PRKAG2: variants seen among roughly 807,000 people sequenced by gnomAD.
PRKAG2 encodes the protein protein kinase AMP-activated non-catalytic subunit gamma 2.
In PRKAG2, 26 loss-of-function variants were observed where a neutral mutation model predicts 69.6. The ratio of observed to expected loss-of-function variants is 0.37; its 90% CI spans 0.27 to 0.52. PRKAG2 has a LOEUF of 0.52. Among genes scored for constraint, PRKAG2 ranks in the 20% least tolerant of loss-of-function variants. The pLI is 0.90. For missense variants in PRKAG2, 557 were observed against 740.0 expected (o/e 0.75, Z 2.87); for synonymous variants, 293 against 285.0 (o/e 1.03, Z -0.28).
rs573092240 is a variant in PRKAG2 at position 151,747,683 on chromosome 7, G to A, written c.466+33469C>T. On this transcript the variant is annotated intron_variant, in intron 3 of 15. Transcript: ENST00000287878. ...CCAGATATCTAGAAAGTTAGCTCAC[G>A]TGGCTTGTTCATTCCTTGAGACTGG... Among the ~76,000 whole-genome samples, 137 of 152,286 alleles carry A rather than the reference G, an allele frequency of 9.0e-4. 1 individual carries two copies. Among genetic ancestry groups the A allele is most frequent in the African/African-American group, 1.9e-3 (81 of 41,552 alleles).
Position 151,807,421 on chromosome 7 carries a change from T to C in PRKAG2, c.115-20880A>G. The C allele has an allele frequency of 2.2e-6, 1 of 457,858 alleles. No homozygotes were observed. 28.4% of individuals were successfully genotyped at this position (457,858 alleles called of 1,614,324 possible). On this transcript the variant is annotated intron_variant, in intron 1 of 15. Transcript: ENST00000287878. This position sits in a 1 kb window ranked among gnomAD's most constrained non-coding sequence, Gnocchi z 4.4. ...GCTGTGCTGTGGGTGACGGTCATAC[T>C]TTATTCTCTAAAACTCTCCAGTTTC...
In PRKAG2 at chr7:151,807,858, A is replaced by G. The variant is rs933536791; in HGVS notation, c.115-21317T>C. On this transcript the variant is annotated intron_variant, in intron 1 of 15. Coordinates refer to ENST00000287878, the MANE Select transcript of PRKAG2 (RefSeq NM_016203.4). The surrounding 1 kb of genome is among the most constrained non-coding windows in gnomAD (Gnocchi z 4.4). ...GATAAATCTGGATGCGGTGGAGACA[A>G]CGGCCAAACAGAAAAACCGCTTGGA... Among the ~76,000 whole-genome samples the G allele has an allele frequency of 6.6e-6, 1 of 152,192 alleles. No homozygotes were observed. Among genetic ancestry groups the G allele is most frequent in the Non-Finnish European group, 1.5e-5 (1 of 68,024 alleles).
chr7:151,650,958 T>C (rs1430993955), intron 4 of PRKAG2, among the ~76,000 whole-genome samples: 1 of 152,184 alleles, frequency 6.6e-6, no homozygotes, highest in Admixed American at 6.5e-5. Flanking sequence ...CCCTGAAAAA[T>C]TGTAGTTATT....
At chr7:151,853,988 A>G (rs1249168912) in intron 1 of PRKAG2, among the ~76,000 whole-genome samples, 4 of 151,794 alleles carry the variant, frequency 2.6e-5, no homozygotes, top group Admixed American at 2.6e-4. Flanking sequence ...TCTACAGACA[A>G]GGATAACCTT....
At chr7:151,604,653 CACAT>C (rs1410986456) in intron 5 of PRKAG2, among the ~76,000 whole-genome samples, 2 of 151,444 alleles carry the variant, frequency 1.3e-5, no homozygotes, top group African/African-American at 2.5e-5. Flanking sequence ...CATACACACA[CACAT>C]ACACACACAC....
chr7:151,771,100 C>T lies in PRKAG2; in HGVS notation c.466+10052G>A, dbSNP rs1235619707. ...AAAAATAACCAGCCCTCCTCTGTTC[C>T]TTACTTCAGGCTCTAAGATCTGCCT... is the stretch of plus-strand genomic sequence containing the variant. On this transcript the variant is annotated intron_variant, in intron 3 of 15. Coordinates refer to ENST00000287878, the MANE Select transcript of PRKAG2 (RefSeq NM_016203.4). This position sits in a 1 kb window ranked among gnomAD's most constrained non-coding sequence, Gnocchi z 4.0. 6.6e-6 allele frequency among the ~76,000 whole-genome samples: 1 copy of T among 152,208 alleles called. No individual in the cohort carries two copies. The highest frequency in any genetic ancestry group is 1.9e-4 in the East Asian group (1 of 5,198).
chr7:151,715,414 C>T (rs992404867), intron 3 of PRKAG2, among the ~76,000 whole-genome samples: 2 of 149,886 alleles, frequency 1.3e-5, no homozygotes, highest in African/African-American at 4.9e-5. Flanking sequence ...GTGGCACAAT[C>T]TCAGCTCACT....
chr7:151,673,705 C>T (rs1387043676), intron 4 of PRKAG2, among the ~76,000 whole-genome samples: 5 of 152,114 alleles, frequency 3.3e-5, no homozygotes, highest in Admixed American at 1.3e-4. Flanking sequence ...CAGATTGGAC[C>T]GTATCTCCTA....
intron 1 of PRKAG2, among the ~76,000 whole-genome samples, chr7:151,821,990 G>A (rs906207996): frequency 2.2e-4 from 34 of 152,182 alleles, no homozygotes; most frequent in Admixed American, 2.0e-3. Context: ...GAGAGCTGCT[G>A]GGAGCCAAGG....
intron 3 of PRKAG2, among the ~76,000 whole-genome samples, chr7:151,758,187 C>A (rs1456626698): frequency 3.3e-5 from 5 of 151,996 alleles, no homozygotes; most frequent in African/African-American, 9.7e-5. Context: ...CAATGTCCAG[C>A]AGGGCTGATC....
intron 3 of PRKAG2, among the ~76,000 whole-genome samples, chr7:151,716,405 G>C (rs1473046259): frequency 1.3e-5 from 2 of 152,142 alleles, no homozygotes; most frequent in African/African-American, 4.8e-5. Flanking sequence ...AGAGAAGCAG[G>C]GGCTGGGCAG....
intron 5 of PRKAG2, among the ~76,000 whole-genome samples, chr7:151,631,029 A>C (rs980602489): frequency 3.9e-5 from 6 of 152,248 alleles, no homozygotes; most frequent in Non-Finnish European, 8.8e-5. Context: ...TTGGGTTAAC[A>C]CGTCCATGCT....
At chr7:151,847,943 T>C (rs1436358522) in intron 1 of PRKAG2, among the ~76,000 whole-genome samples, 1 of 152,212 alleles carries the variant, frequency 6.6e-6, no homozygotes, top group African/African-American at 2.4e-5. Flanking sequence ...GGTGGGAACA[T>C]TTACACCACA....
At chr7:151,768,590 C>T (rs2075860855) in intron 3 of PRKAG2, among the ~76,000 whole-genome samples, 1 of 152,194 alleles carries the variant, frequency 6.6e-6, no homozygotes, top group Non-Finnish European at 1.5e-5. Flanking sequence ...CTCAGCCTCC[C>T]TTAGTAGCTC....
At chr7:151,721,756 A>T (rs966405857) in intron 3 of PRKAG2, among the ~76,000 whole-genome samples, 1 of 152,162 alleles carries the variant, frequency 6.6e-6, no homozygotes, top group African/African-American at 2.4e-5. Context: ...CCAACGTCCC[A>T]TCAAGCATGT....
chr7:151,598,626 T>C (rs960698152), intron 5 of PRKAG2, among the ~76,000 whole-genome samples: 22 of 151,432 alleles, frequency 1.5e-4, no homozygotes, highest in Non-Finnish European at 2.2e-4. Flanking sequence ...ATAAAGCAAA[T>C]GCAAATAGAA....
In PRKAG2 at chr7:151,807,581, C is replaced by T; in HGVS notation, c.115-21040G>A. ...GAACCCAGCGTAGATGCACAGCTGC[C>T]ACGGAGGTAGGAAGAATGATTCGTT... On this transcript the variant is annotated intron_variant, in intron 1 of 15. Coordinates refer to ENST00000287878, the MANE Select transcript of PRKAG2 (RefSeq NM_016203.4). The surrounding 1 kb of genome is among the most constrained non-coding windows in gnomAD (Gnocchi z 4.4). 2.2e-6 allele frequency: 1 copy of T among 457,842 alleles called. No homozygotes were observed. 28.4% of individuals were successfully genotyped at this position (457,842 alleles called of 1,614,324 possible).
At chr7:151,802,806 C>T (rs542073724) in intron 1 of PRKAG2, among the ~76,000 whole-genome samples, 2 of 152,172 alleles carry the variant, frequency 1.3e-5, no homozygotes, top group East Asian at 3.9e-4. Flanking sequence ...TCTGCAGCAG[C>T]CACCTGACCT....
intron 1 of PRKAG2, among the ~76,000 whole-genome samples, chr7:151,871,964 A>G (rs79159837): frequency 0.011 from 1,745 of 152,338 alleles, 31 homozygotes; most frequent in African/African-American, 0.039. Context: ...CCAGGGCCAC[A>G]GTGTCTTTCA....
Sources: allele counts gnomAD v4.1 joint callset (sites outside exome capture counted in the v4.1 genomes callset), GRCh38; gene constraint gnomAD v4.1.1; non-coding constraint Gnocchi (gnomAD v3.1); transcripts MANE v1.5; gene names NCBI Gene and HGNC (gene_info 2026-07-23, HGNC 2026-07-21).